Variants in PCOLCE2 observed in about 807,000 individuals in gnomAD.
PCOLCE2 encodes procollagen C-proteinase enhancer 2.
PCOLCE2 carries 42 observed loss-of-function variants against 47.0 expected under a neutral mutation model. That is an observed-to-expected ratio of 0.89 (90% confidence interval 0.70 to 1.16). The LOEUF (loss-of-function observed/expected upper bound fraction) is 1.16, where lower values mean the gene tolerates loss of function less well. Among genes scored for constraint, PCOLCE2 ranks in the 50% most tolerant of loss-of-function variants. The pLI is 0.00. For synonymous variants in PCOLCE2, 169 were observed against 191.7 expected, an observed-to-expected ratio of 0.88 and a Z score of 0.98; for missense variants, 500 against 526.1, an observed-to-expected ratio of 0.95 and a Z score of 0.49.
At position 142,848,329 on chromosome 3, in the gene PCOLCE2, AG is replaced by A. The variant is rs748339219; in HGVS notation, c.335del (p.Pro112LeufsTer11). 15 of 1,614,126 alleles carry A rather than the reference AG, an allele frequency of 9.3e-6. 1 individual carries two copies. The South Asian group carries it at 1.6e-4, about 18-fold the overall frequency. ...TGTTGCCACTGGACACAAGGGCTCC[AG>A]GCCGGAAAGTGCCACAGAAGCGGCC... is the stretch of plus-strand genomic sequence containing the variant. ...RIGRFCGTFR[P>X]GALVSSGNKM... On this transcript the variant is annotated frameshift_variant, in exon 3 of 9. Transcript: ENST00000295992. LOFTEE classifies it high-confidence loss of function.
chr3:142,880,979 T>C (rs1482200925), intron 2 of PCOLCE2, among the ~76,000 whole-genome samples: 1 of 152,206 alleles, frequency 6.6e-6, no homozygotes, highest in Non-Finnish European at 1.5e-5. Context: ...TAAGCTTTAC[T>C]CCAAATTATC....
chr3:142,853,101 TAA>T (rs372555197), intron 2 of PCOLCE2, among the ~76,000 whole-genome samples: 29 of 129,868 alleles, frequency 2.2e-4, no homozygotes, highest in South Asian at 2.4e-4. Flanking sequence ...AGACCCTGTT[TAA>T]AAAAAAAAAA....
chr3:142,849,262 A>C (rs72994534), intron 2 of PCOLCE2, among the ~76,000 whole-genome samples: 2 of 152,336 alleles, frequency 1.3e-5, no homozygotes, highest in African/African-American at 2.4e-5. Flanking sequence ...GCAATTGTGT[A>C]GTTAATTTAC....
intron 6 of PCOLCE2, among the ~76,000 whole-genome samples, chr3:142,826,715 A>G (rs554093862): frequency 1.3e-4 from 20 of 152,234 alleles, no homozygotes; most frequent in African/African-American, 3.4e-4. Flanking sequence ...AGCCACTTAC[A>G]TAGATTGTGC....
chr3:142,830,733 CTATTGT>C (rs1204439698), intron 5 of PCOLCE2, among the ~76,000 whole-genome samples: 1 of 152,138 alleles, frequency 6.6e-6, no homozygotes, highest in African/African-American at 2.4e-5. Context: ...TTAAGTTTTG[CTATTGT>C]TATTTACACA....
intron 2 of PCOLCE2, 98 bp from the exon 3 acceptor site, chr3:142,848,570 A>G (rs1425686741): frequency 3.4e-5 from 37 of 1,078,302 alleles, no homozygotes; most frequent in Non-Finnish European, 4.8e-5. Flanking sequence ...ATAATATCCA[A>G]GATAATGCTT....
chr3:142,825,332 G>A (rs886401664), intron 6 of PCOLCE2, among the ~76,000 whole-genome samples: 8 of 152,002 alleles, frequency 5.3e-5, no homozygotes, highest in Non-Finnish European at 1.0e-4. Flanking sequence ...CAAGTCACTG[G>A]CTCTCTCCTT....
chr3:142,875,578 C>A (rs1218855851), intron 2 of PCOLCE2, among the ~76,000 whole-genome samples: 1 of 152,180 alleles, frequency 6.6e-6, no homozygotes, highest in Non-Finnish European at 1.5e-5. Flanking sequence ...AATGAAATGT[C>A]CTTGCTGATG....
chr3:142,840,572 T>G (rs1937253658), intron 4 of PCOLCE2, among the ~76,000 whole-genome samples: 1 of 152,226 alleles, frequency 6.6e-6, no homozygotes, highest in Non-Finnish European at 1.5e-5. Context: ...AAGGTAATTT[T>G]GGCTTTGACC....
Position 142,821,063 on chromosome 3 carries a change from T to C in PCOLCE2, c.950-18A>G. The C allele has an allele frequency of 6.3e-7, 1 of 1,578,430 alleles. No homozygotes were observed. Among genetic ancestry groups the C allele is most frequent in the Non-Finnish European group, 8.7e-7 (1 of 1,151,116 alleles). ...GGCTAATACTGCAGAAGAAAACATT[T>C]TGAAGTGATGTGACAGTGAAGGCAA... On this transcript the variant is annotated intron_variant, in intron 7 of 8. Coordinates refer to ENST00000295992, the MANE Select transcript of PCOLCE2 (RefSeq NM_013363.4).
At chr3:142,873,410 G>GA (rs1358378498) in intron 2 of PCOLCE2, among the ~76,000 whole-genome samples, 4 of 143,538 alleles carry the variant, frequency 2.8e-5, no homozygotes, top group African/African-American at 1.0e-4. Context: ...AAAAAAAAAA[G>GA]AAAAAAATTT....
chr3:142,876,992 T>C (rs79374372), intron 2 of PCOLCE2, among the ~76,000 whole-genome samples: 9,559 of 152,168 alleles, frequency 0.063, 341 homozygotes, highest in African/African-American at 0.1. Context: ...GCTCCAGAAA[T>C]TACACTCTTA....
chr3:142,825,810 C>G (rs1444580965), intron 6 of PCOLCE2, among the ~76,000 whole-genome samples: 1 of 152,144 alleles, frequency 6.6e-6, no homozygotes, highest in African/African-American at 2.4e-5. Context: ...CCCTTCAGCC[C>G]TGTATGAATC....
intron 2 of PCOLCE2, 178 bp downstream of exon 2, chr3:142,887,491 A>T (rs1933737788): frequency 3.5e-6 from 2 of 565,452 alleles, no homozygotes; most frequent in South Asian, 4.6e-5. Context: ...CTAATGCAGG[A>T]CACGACTAGA....
chr3:142,873,867 T>C (rs1933445768), intron 2 of PCOLCE2, among the ~76,000 whole-genome samples: 1 of 152,130 alleles, frequency 6.6e-6, no homozygotes, highest in Non-Finnish European at 1.5e-5. Context: ...GAAGAGAACA[T>C]CTTTTTCAAA....
intron 6 of PCOLCE2, chr3:142,827,586 G>A: frequency 1.4e-6 from 2 of 1,472,892 alleles, no homozygotes; most frequent in South Asian, 1.1e-5. Context: ...ATGTTGAGCT[G>A]GGCCTTCTTG....
chr3:142,856,794 C>T (rs1379056930), intron 2 of PCOLCE2, among the ~76,000 whole-genome samples: 5 of 151,926 alleles, frequency 3.3e-5, no homozygotes, highest in Non-Finnish European at 7.4e-5. Flanking sequence ...CTACTGTGGA[C>T]ATAAGTGGTG....
intron 2 of PCOLCE2, among the ~76,000 whole-genome samples, chr3:142,872,566 A>T (rs1933410975): frequency 6.6e-6 from 1 of 152,158 alleles, no homozygotes; most frequent in South Asian, 2.1e-4. Flanking sequence ...ATGATAAGTA[A>T]ATATTTGTTG....
At chr3:142,858,750 T>TGTGC (rs1553816139) in intron 2 of PCOLCE2, among the ~76,000 whole-genome samples, 62 of 152,026 alleles carry the variant, frequency 4.1e-4, no homozygotes, top group Admixed American at 8.5e-4. Context: ...TGTGTGTGTG[T>TGTGC]GTGTAAGAGA....
Sources: gnomAD v4.1 joint callset for allele counts (sites outside exome capture counted in the v4.1 genomes callset) on GRCh38, gnomAD v4.1.1 for gene constraint, MANE v1.5 for transcripts, NCBI Gene and HGNC (gene_info 2026-07-23, HGNC 2026-07-21) for gene names.